Variants in FAM135B observed in about 807,000 individuals in gnomAD.
FAM135B encodes the protein protein FAM135B.
In FAM135B, 43 loss-of-function variants were observed where a neutral mutation model predicts 127.7. The observed-to-expected ratio is 0.34, with a 90% CI of 0.26 to 0.43. The LOEUF (loss-of-function observed/expected upper bound fraction) is 0.43, where lower values mean the gene tolerates loss of function less well. Ranked by LOEUF, FAM135B falls within the 20% of genes least tolerant of loss-of-function variation. FAM135B has a pLI of 1.00. For missense variants in FAM135B, 1,558 were observed against 1,725.6 expected (o/e 0.90, Z 1.72); for synonymous variants, 670 against 665.1 (o/e 1.01, Z -0.11).
chr8:138,231,062 C>A (rs1211693204), intron 7 of FAM135B, among the ~76,000 whole-genome samples: 1 of 151,934 alleles, frequency 6.6e-6, no homozygotes, highest in African/African-American at 2.4e-5. Context: ...TGGAGTCTTG[C>A]TCTGTCACCC....
intron 1 of FAM135B, chr8:138,437,591 T>C (rs771138636): frequency 6.6e-6 from 1 of 152,216 alleles, no homozygotes; most frequent in Non-Finnish European, 1.5e-5. Flanking sequence ...CTTTATAAAT[T>C]ACCCCGTCTC....
At chr8:138,237,307 C>G (rs747104921) in intron 7 of FAM135B, among the ~76,000 whole-genome samples, 1 of 151,984 alleles carries the variant, frequency 6.6e-6, no homozygotes, top group African/African-American at 2.4e-5. Context: ...ATTACAGATG[C>G]CCGCCAACAC....
At chr8:138,405,306 G>C (rs1383770177) in intron 1 of FAM135B, among the ~76,000 whole-genome samples, 5 of 150,724 alleles carry the variant, frequency 3.3e-5, no homozygotes, top group Admixed American at 2.6e-4. Flanking sequence ...TGCCATGCTG[G>C]TGTGCTGCAC....
At chr8:138,456,987 G>T (rs1836815090) in intron 1 of FAM135B, among the ~76,000 whole-genome samples, 1 of 150,454 alleles carries the variant, frequency 6.6e-6, no homozygotes, top group South Asian at 2.1e-4. Context: ...GAACAAAACT[G>T]GGACAACAAA....
chr8:138,212,478 C>G (rs866942879), intron 7 of FAM135B, among the ~76,000 whole-genome samples: 1 of 152,216 alleles, frequency 6.6e-6, no homozygotes, highest in Non-Finnish European at 1.5e-5. Flanking sequence ...TGCAGTCTCA[C>G]AAACACAGCT....
intron 1 of FAM135B, among the ~76,000 whole-genome samples, chr8:138,472,017 A>G (rs1013038525): frequency 5.9e-5 from 9 of 152,158 alleles, no homozygotes; most frequent in South Asian, 4.1e-4. Flanking sequence ...GAAACTGGCA[A>G]TTAGAAGACT....
intron 1 of FAM135B, among the ~76,000 whole-genome samples, chr8:138,455,053 T>A (rs1836701747): frequency 6.6e-6 from 1 of 152,226 alleles, no homozygotes; most frequent in Non-Finnish European, 1.5e-5. Context: ...TTCAAGCCAT[T>A]CAGAGTGTAA....
chr8:138,273,002 G>C (rs947279529), intron 3 of FAM135B, among the ~76,000 whole-genome samples: 1 of 152,140 alleles, frequency 6.6e-6, no homozygotes, highest in African/African-American at 2.4e-5. Context: ...TCAGGGTTTT[G>C]AGGGTTTTAC....
chr8:138,160,919 C>T (rs186651739), intron 12 of FAM135B, among the ~76,000 whole-genome samples: 2 of 152,260 alleles, frequency 1.3e-5, no homozygotes, highest in African/African-American at 2.4e-5. Context: ...GAGTAAAAGA[C>T]AGCTTTAGAG....
chr8:138,144,999 T>G (rs2130647621), intron 15 of FAM135B, among the ~76,000 whole-genome samples: 1 of 152,182 alleles, frequency 6.6e-6, no homozygotes, highest in Non-Finnish European at 1.5e-5. Flanking sequence ...TATTTTATTT[T>G]AGTTTAGTTT....
At chr8:138,385,275 T>C (rs1238125953) in intron 1 of FAM135B, among the ~76,000 whole-genome samples, 3 of 152,150 alleles carry the variant, frequency 2.0e-5, no homozygotes, top group Non-Finnish European at 4.4e-5. Context: ...CTTATGATAG[T>C]TGGGGTATCA....
rs567742254 is a variant in FAM135B at position 138,494,278 on chromosome 8, G to A, written c.-20+2393C>T. Among the ~76,000 whole-genome samples the A allele has an allele frequency of 3.3e-5, 5 of 152,338 alleles. No individual in the cohort carries two copies. The East Asian group carries it at 9.7e-4, about 29-fold the overall frequency. On this transcript the variant is annotated intron_variant, in intron 1 of 19. Transcript: ENST00000395297. ...TACGTCTGCACAGGTGGTCATGTTA[G>A]AAGTAAGGCTCATTCACTCATTCAA...
In FAM135B at chr8:138,130,349, A is replaced by C. The variant is rs1228408271; in HGVS notation, c.*2244T>G. 6.6e-6 allele frequency: 1 copy of C among 152,108 alleles called. No homozygotes were observed. The highest frequency in any genetic ancestry group is 2.4e-5 in the African/African-American group (1 of 41,418). 9.4% of individuals were successfully genotyped at this position (152,108 alleles called of 1,614,324 possible). ...GAGATGTACTTTCTACACAATTATAATAGATGCTCAGAGGCCAGAGAGGGT... is the reference window on the plus strand; with the variant it reads ...GAGATGTACTTTCTACACAATTATACTAGATGCTCAGAGGCCAGAGAGGGT... On this transcript the variant is annotated 3_prime_UTR_variant, in exon 20 of 20. Coordinates refer to ENST00000395297, the MANE Select transcript of FAM135B (RefSeq NM_015912.4).
intron 7 of FAM135B, among the ~76,000 whole-genome samples, chr8:138,229,090 C>T (rs774224289): frequency 1.3e-5 from 2 of 152,042 alleles, no homozygotes; most frequent in Non-Finnish European, 1.5e-5. Flanking sequence ...ACATGGAAAT[C>T]GGCAATGCTG....
chr8:138,256,294 G>T (rs999415928), intron 5 of FAM135B, among the ~76,000 whole-genome samples: 2 of 152,134 alleles, frequency 1.3e-5, no homozygotes, highest in African/African-American at 4.8e-5. Flanking sequence ...CAGATATGTC[G>T]CACAAAGATG....
intron 1 of FAM135B, among the ~76,000 whole-genome samples, chr8:138,456,126 C>T (rs1448118751): frequency 2.6e-5 from 4 of 152,156 alleles, no homozygotes; most frequent in African/African-American, 9.7e-5. Flanking sequence ...ACTGGCAGCC[C>T]ACAGGGATTC....
rs1346802115 is a variant in FAM135B at position 138,243,171 on chromosome 8, A to G, written c.543-103T>C. On this transcript the variant is annotated intron_variant, in intron 6 of 19. Transcript: ENST00000395297. The surrounding 1 kb of genome is among the most constrained non-coding windows in gnomAD (Gnocchi z 7.5). ...GTGTTCCTGTGAAGCATTTGGGATA[A>G]GTCATTTAGGAGTAGTTCACCCCCT... 7.2e-7 allele frequency: 1 copy of G among 1,392,802 alleles called. No individual in the cohort carries two copies. The highest frequency in any genetic ancestry group is 9.6e-7 in the Non-Finnish European group (1 of 1,044,428). The allele number at this position is 1,392,802 out of a possible 1,614,324, so 86.3% of individuals were successfully genotyped here. A position where few individuals can be genotyped will look rare whatever the true frequency, so the allele number is the denominator to read the frequency against.
At chr8:138,230,797 TAA>T (rs1819848384) in intron 7 of FAM135B, among the ~76,000 whole-genome samples, 2 of 152,152 alleles carry the variant, frequency 1.3e-5, no homozygotes, top group African/African-American at 4.8e-5. Flanking sequence ...ATAACAGTCT[TAA>T]AGAGTCAAAT....
At chr8:138,467,223 T>C (rs1043049186) in intron 1 of FAM135B, among the ~76,000 whole-genome samples, 1 of 152,160 alleles carries the variant, frequency 6.6e-6, no homozygotes, top group African/African-American at 2.4e-5. Flanking sequence ...CTGCTCAGTC[T>C]AACCACAGGG....
Sources: gnomAD v4.1 joint callset for allele counts (sites outside exome capture counted in the v4.1 genomes callset) on GRCh38, gnomAD v4.1.1 for gene constraint, Gnocchi (gnomAD v3.1) non-coding constraint, MANE v1.5 for transcripts, NCBI Gene and HGNC (gene_info 2026-07-23, HGNC 2026-07-21) for gene names.